COBLL1: variants seen among roughly 807,000 people sequenced by gnomAD.
COBLL1 encodes the protein cordon-bleu protein-like 1.
In COBLL1, 50 loss-of-function variants were observed where a neutral mutation model predicts 94.8. That is an observed-to-expected ratio of 0.53 (90% CI 0.42 to 0.67). COBLL1 has a LOEUF of 0.67. Ranked by LOEUF, COBLL1 falls within the 30% of genes least tolerant of loss-of-function variation. COBLL1 has a pLI of 0.00. For missense variants in COBLL1, 1,362 were observed against 1,348.7 expected (o/e 1.01, Z -0.15); for synonymous variants, 448 against 473.8 (o/e 0.95, Z 0.71).
In COBLL1 at chr2:164,841,044, T is replaced by C. The variant is rs1238212190; in HGVS notation, c.41+112A>G. 1.5e-5 allele frequency: 17 copies of C among 1,141,178 alleles called. No individual in the cohort carries two copies. In the East Asian group the frequency reaches 5.5e-4, roughly 37 times the overall value. The allele number at this position is 1,141,178 out of a possible 1,614,324, so 70.7% of individuals were successfully genotyped here. A position where few individuals can be genotyped will look rare whatever the true frequency, so the allele number is the denominator to read the frequency against. Reference sequence around the variant, plus strand: ...GGCCGCGTGGAGGACAGTCAGTGAGTCAGGCCGCCGGCAGGGCAGCGAGTT... The same window carrying C: ...GGCCGCGTGGAGGACAGTCAGTGAGCCAGGCCGCCGGCAGGGCAGCGAGTT... On this transcript the variant is annotated intron_variant, in intron 2 of 13. Coordinates refer to ENST00000652658, the MANE Select transcript of COBLL1 (RefSeq NM_001365672.2). This position sits in a 1 kb window ranked among gnomAD's most constrained non-coding sequence, Gnocchi z 5.5.
At position 164,810,280 on chromosome 2, in the gene COBLL1, G is replaced by A. The variant is rs562953124; in HGVS notation, c.41+30876C>T. 4.0e-4 allele frequency among the ~76,000 whole-genome samples: 61 copies of A among 151,428 alleles called. 1 individual carries two copies. Among genetic ancestry groups the A allele is most frequent in the Middle Eastern group, 6.9e-3 (2 of 290 alleles). On this transcript the variant is annotated intron_variant, in intron 2 of 13. Coordinates refer to ENST00000652658, the MANE Select transcript of COBLL1 (RefSeq NM_001365672.2). ...TTTGAAAATTGGATTTGGGGCTGGA[G>A]AGGTATGTTCTAGAAATATAAATCT...
chr2:164,838,533 G>A (rs928446208), intron 2 of COBLL1, among the ~76,000 whole-genome samples: 15 of 152,148 alleles, frequency 9.9e-5, no homozygotes, highest in African/African-American at 3.6e-4. Context: ...ATCATACCAT[G>A]GTCAAGAAAA....
At chr2:164,801,527 T>C (rs983683264) in intron 2 of COBLL1, among the ~76,000 whole-genome samples, 1 of 131,624 alleles carries the variant, frequency 7.6e-6, no homozygotes, top group Admixed American at 8.1e-5. Context: ...GAGGCTGAGG[T>C]GGATTGCTTG....
rs114418710 is a variant in COBLL1, at chr2:164,682,123, C to T, written c.*3823G>A. On this transcript the variant is annotated 3_prime_UTR_variant, in exon 14 of 14. Transcript: ENST00000652658. ...TAATTGGATGTGGGACTCTGAGACT[C>T]CTCTGCTTCTGTGACCTTTGTAAAG... The T allele has an allele frequency of 5.9e-4, 90 of 152,286 alleles. No homozygotes were observed. Among genetic ancestry groups the T allele is most frequent in the African/African-American group, 2.2e-3 (90 of 41,554 alleles). 9.4% of individuals were successfully genotyped at this position (152,286 alleles called of 1,614,324 possible). A position where few individuals can be genotyped will look rare whatever the true frequency, so the allele number is the denominator to read the frequency against.
At chr2:164,777,510 C>A (rs957455288) in intron 2 of COBLL1, among the ~76,000 whole-genome samples, 1 of 152,102 alleles carries the variant, frequency 6.6e-6, no homozygotes, top group Non-Finnish European at 1.5e-5. Context: ...GGATTCCAGG[C>A]AGCATTAAGG....
At chr2:164,816,861 C>T (rs1205508723) in intron 2 of COBLL1, among the ~76,000 whole-genome samples, 3 of 152,060 alleles carry the variant, frequency 2.0e-5, no homozygotes, top group South Asian at 2.1e-4. Flanking sequence ...CTTTGTACCA[C>T]GAGTAGAAGT....
intron 2 of COBLL1, among the ~76,000 whole-genome samples, chr2:164,832,474 T>A (rs971498208): frequency 2.0e-5 from 3 of 152,170 alleles, no homozygotes; most frequent in African/African-American, 7.2e-5. Flanking sequence ...AACCTACACA[T>A]CATATTTAAA....
chr2:164,787,323 T>C (rs1049338490), intron 2 of COBLL1, among the ~76,000 whole-genome samples: 2 of 152,210 alleles, frequency 1.3e-5, no homozygotes, highest in Non-Finnish European at 1.5e-5. Flanking sequence ...GTAATGATTA[T>C]AATGTATCAA....
chr2:164,732,678 A>G (rs1157126587), intron 3 of COBLL1, among the ~76,000 whole-genome samples: 3 of 152,230 alleles, frequency 2.0e-5, no homozygotes, highest in African/African-American at 7.2e-5. Flanking sequence ...TAATAAATGT[A>G]AAAACATTGA....
intron 3 of COBLL1, chr2:164,738,387 A>C (rs913920015): frequency 1.3e-5 from 2 of 152,212 alleles, no homozygotes; most frequent in African/African-American, 4.8e-5. Context: ...AAGACCATAT[A>C]CAGATCATAT....
intron 7 of COBLL1, among the ~76,000 whole-genome samples, chr2:164,718,664 T>C (rs1330909156): frequency 6.6e-6 from 1 of 152,076 alleles, no homozygotes; most frequent in Non-Finnish European, 1.5e-5. Context: ...CTATACATAA[T>C]GCAAATTAAG....
At chr2:164,825,489 A>G (rs1255803472) in intron 2 of COBLL1, among the ~76,000 whole-genome samples, 1 of 152,216 alleles carries the variant, frequency 6.6e-6, no homozygotes, top group East Asian at 1.9e-4. Context: ...AGCCAATTGC[A>G]TTGAAAATAT....
intron 2 of COBLL1, chr2:164,779,582 A>C (rs962231148): frequency 8.9e-6 from 4 of 450,456 alleles, no homozygotes; most frequent in African/African-American, 8.1e-5. Context: ...GCCATTTCCC[A>C]GAACACAGAG....
chr2:164,730,096 A>G lies in COBLL1; in HGVS notation c.250T>C (p.Leu84=). 2 of 1,613,764 alleles carry G rather than the reference A, an allele frequency of 1.2e-6. No individual in the cohort carries two copies. Among genetic ancestry groups the G allele is most frequent in the East Asian group, 4.5e-5 (2 of 44,838 alleles). ...VHGSKPMMDL[L]IFLCAQYHLN... The stretch of plus-strand genomic sequence containing the variant: ...TGATACTGTGCACAAAGGAATATCA[A>G]CAAGTCCATCATAGGTTTACTGTAA... Residue 84 remains leucine, a synonymous_variant, in exon 4 of 14, where the codon TTG becomes CTG. Coordinates refer to ENST00000652658, the MANE Select transcript of COBLL1 (RefSeq NM_001365672.2).
At chr2:164,673,274 G>A (rs1178459440) in intron 1 of COBLL1, among the ~76,000 whole-genome samples, 2 of 152,060 alleles carry the variant, frequency 1.3e-5, no homozygotes, top group Non-Finnish European at 2.9e-5. Context: ...TCACCTCTAC[G>A]GAAAGAATAA....
At chr2:164,774,176 G>T (rs191287220) in intron 2 of COBLL1, among the ~76,000 whole-genome samples, 182 of 152,170 alleles carry the variant, frequency 1.2e-3, no homozygotes, top group African/African-American at 4.2e-3. Context: ...GAAGAAAGCT[G>T]AGTATATAAA....
At chr2:164,748,328 A>G (rs1311934112) in intron 2 of COBLL1, among the ~76,000 whole-genome samples, 1 of 152,122 alleles carries the variant, frequency 6.6e-6, no homozygotes, top group African/African-American at 2.4e-5. Context: ...AATATCTTTT[A>G]CCTACTCACA....
intron 2 of COBLL1, among the ~76,000 whole-genome samples, chr2:164,753,786 G>C (rs1253835950): frequency 6.7e-6 from 1 of 149,690 alleles, no homozygotes; most frequent in Non-Finnish European, 1.5e-5. Context: ...CCGTCACCCA[G>C]GCTGGAAGGC....
intron 13 of COBLL1, among the ~76,000 whole-genome samples, chr2:164,689,324 G>A (rs1469439723): frequency 3.3e-5 from 5 of 152,076 alleles, no homozygotes; most frequent in Non-Finnish European, 7.4e-5. Context: ...ACATTTGGGT[G>A]CCAAGATATA....
Sources: gnomAD v4.1 joint callset for allele counts (sites outside exome capture counted in the v4.1 genomes callset) on GRCh38, gnomAD v4.1.1 for gene constraint, Gnocchi (gnomAD v3.1) non-coding constraint, MANE v1.5 for transcripts, NCBI Gene and HGNC (gene_info 2026-07-23, HGNC 2026-07-21) for gene names.